CADM3: variants seen among roughly 807,000 people sequenced by gnomAD.
CADM3 encodes the protein TSLC1-like 1.
In CADM3, 11 loss-of-function variants were observed where a neutral mutation model predicts 44.9. That is an observed-to-expected ratio of 0.25 (90% CI 0.15 to 0.41). CADM3 has a LOEUF of 0.41. CADM3 is among the 10% of genes least tolerant of loss of function. The pLI, the probability that CADM3 is intolerant of heterozygous loss-of-function variation, is 1.00. For synonymous variants in CADM3, 207 were observed against 205.2 expected, an observed-to-expected ratio of 1.01 and a Z score of -0.08; for missense variants, 426 against 512.0, an observed-to-expected ratio of 0.83 and a Z score of 1.62.
At position 159,200,861 on chromosome 1, in the gene CADM3, C is replaced by A; in HGVS notation, c.1136C>A (p.Ala379Asp). ...GACGATGCTCCAGACGCGGACACGG[C>A]CATCATCAATGCAGAAGGCGGGCAG... ...GSDDAPDADT[A>D]IINAEGGQSG... Residue 379 changes from alanine (A) to aspartate (D), a missense_variant, in exon 9 of 9, where the codon GCC becomes GAC. Physicochemically the swap from Ala to Asp is moderately radical, Grantham distance 126 (BLOSUM62 -2). Coordinates refer to ENST00000368125, the MANE Select transcript of CADM3 (RefSeq NM_001127173.3). 1 of 1,611,270 alleles carries A rather than the reference C, an allele frequency of 6.2e-7. No individual in the cohort carries two copies. Among genetic ancestry groups the A allele is most frequent in the Non-Finnish European group, 8.5e-7 (1 of 1,178,548 alleles).
At position 159,190,281 on chromosome 1, in the gene CADM3, A is replaced by G. The variant is rs185461948; in HGVS notation, c.89-1655A>G. ...AAACCATTTGAGAGGTTTTAGGAAT[A>G]TATCACTTTCAGCTTTACTCAGCCA... On this transcript the variant is annotated intron_variant, in intron 1 of 8. Coordinates refer to ENST00000368125, the MANE Select transcript of CADM3 (RefSeq NM_001127173.3). Among the ~76,000 whole-genome samples, 19 of 152,314 alleles carry G rather than the reference A, an allele frequency of 1.2e-4. No individual in the cohort carries two copies. In the East Asian group the frequency reaches 3.3e-3, roughly 26 times the overall value.
chr1:159,193,039 A>T (rs1196238690), intron 3 of CADM3, among the ~76,000 whole-genome samples: 1 of 152,188 alleles, frequency 6.6e-6, no homozygotes, highest in African/African-American at 2.4e-5. Flanking sequence ...CAAGACATGC[A>T]TGTGTTATAA....
At chr1:159,179,029 A>G (rs969585842) in intron 1 of CADM3, among the ~76,000 whole-genome samples, 5 of 152,180 alleles carry the variant, frequency 3.3e-5, no homozygotes, top group Non-Finnish European at 5.9e-5. Context: ...AATGAGAGTG[A>G]TTTATCTCTA....
At position 159,202,856 on chromosome 1, in the gene CADM3, A is replaced by G. The variant is rs1462328630; in HGVS notation, c.*1934A>G. ...GGGGCCTACTCCTCTTACAACAGCA[A>G]GAGAGCCCTGGGGCCCCAGGCCTGT... is the stretch of plus-strand genomic sequence containing the variant. On this transcript the variant is annotated 3_prime_UTR_variant, in exon 9 of 9. Coordinates refer to ENST00000368125, the MANE Select transcript of CADM3 (RefSeq NM_001127173.3). 6.6e-6 allele frequency: 1 copy of G among 151,950 alleles called. No individual in the cohort carries two copies. The highest frequency in any genetic ancestry group is 1.5e-5 in the Non-Finnish European group (1 of 68,004). The allele number at this position is 151,950 out of a possible 1,614,324, so 9.4% of individuals were successfully genotyped here. A position where few individuals can be genotyped will look rare whatever the true frequency, so the allele number is the denominator to read the frequency against.
rs1252355861 is a variant in CADM3, at chr1:159,186,051, A to C, written c.89-5885A>C. ...GAAGACTTCTGGAAAGATATGCCACAAAATGTAGGCTTTATTCATAGATAA... is the reference window on the plus strand; with the variant it reads ...GAAGACTTCTGGAAAGATATGCCACCAAATGTAGGCTTTATTCATAGATAA... On this transcript the variant is annotated intron_variant, in intron 1 of 8. Transcript: ENST00000368125. Among the ~76,000 whole-genome samples the C allele has an allele frequency of 5.3e-5, 8 of 152,354 alleles. No individual in the cohort carries two copies. In the East Asian group the frequency reaches 1.3e-3, roughly 26 times the overall value.
chr1:159,181,506 G>T (rs190530477), intron 1 of CADM3, among the ~76,000 whole-genome samples: 24 of 147,934 alleles, frequency 1.6e-4, no homozygotes, highest in African/African-American at 5.8e-4. Context: ...TGCTCTAGAG[G>T]TCCTCACTGA....
Position 159,171,775 on chromosome 1 carries a change from C to T in CADM3, c.10C>T (p.Pro4Ser), listed in dbSNP as rs1370818341. 42 of 1,238,632 alleles carry T rather than the reference C, an allele frequency of 3.4e-5. No homozygotes were observed. The highest frequency in any genetic ancestry group is 4.6e-5 in the African/African-American group (3 of 64,590). 76.7% of individuals were successfully genotyped at this position (1,238,632 alleles called of 1,614,324 possible). A position where few individuals can be genotyped will look rare whatever the true frequency, so the allele number is the denominator to read the frequency against. Residue 4 changes from proline (P) to serine (S), a missense_variant, in exon 1 of 9, where the codon CCA (proline) becomes TCA (serine). Physicochemically the swap from Pro to Ser is moderately conservative, Grantham distance 74 (BLOSUM62 -1). Around this residue, in one of 2 missense-constraint regions of CADM3, gnomAD observed 64 missense variants for 37.4 expected, o/e 1.71. Transcript: ENST00000368125. MGA[P>S]AASLLLLLLL... ...CCGGCCGGGAAGCGCGATGGGGGCC[C>T]CAGCCGCCTCGCTCCTGCTCCTGCT... is the stretch of plus-strand genomic sequence containing the variant.
intron 1 of CADM3, among the ~76,000 whole-genome samples, chr1:159,175,385 C>A (rs1038178044): frequency 1.3e-5 from 2 of 152,202 alleles, no homozygotes; most frequent in African/African-American, 4.8e-5. Flanking sequence ...CAACTGCCTA[C>A]CCAGCAGTTA....
At chr1:159,189,105 A>G (rs975671074) in intron 1 of CADM3, among the ~76,000 whole-genome samples, 2 of 152,194 alleles carry the variant, frequency 1.3e-5, no homozygotes, top group African/African-American at 2.4e-5. Flanking sequence ...AGCCCTAACC[A>G]TGATCTGTTT....
rs560750051 is a variant in CADM3, at chr1:159,196,198, T to C, written c.692-166T>C. 1.9e-5 allele frequency: 11 copies of C among 584,886 alleles called. 1 individual carries two copies. The highest frequency in any genetic ancestry group is 1.2e-4 in the Admixed American group (4 of 33,542). 36.2% of individuals were successfully genotyped at this position (584,886 alleles called of 1,614,324 possible). A position where few individuals can be genotyped will look rare whatever the true frequency, so the allele number is the denominator to read the frequency against. On this transcript the variant is annotated intron_variant, in intron 5 of 8. Coordinates refer to ENST00000368125, the MANE Select transcript of CADM3 (RefSeq NM_001127173.3). The stretch of plus-strand genomic sequence containing the variant: ...CAAGAGAAGTTGCTCACATATTCAA[T>C]AGCAATAATGGTCCTTGTTCATGAG...
chr1:159,189,763 C>T, intron 1 of CADM3: 1 of 1,596,938 alleles, frequency 6.3e-7, no homozygotes, highest in Non-Finnish European at 8.6e-7. Flanking sequence ...TGGAGATTCT[C>T]TCCCCAGGCT....
intron 1 of CADM3, among the ~76,000 whole-genome samples, chr1:159,191,336 G>T (rs1649654318): frequency 6.6e-6 from 1 of 152,046 alleles, no homozygotes; most frequent in African/African-American, 2.4e-5. Context: ...TTGACTGAAG[G>T]GAAGTTATTG....
At chr1:159,200,106 A>T (rs2102140091) in intron 8 of CADM3, among the ~76,000 whole-genome samples, 1 of 152,290 alleles carries the variant, frequency 6.6e-6, no homozygotes, top group South Asian at 2.1e-4. Flanking sequence ...TCCAAGTGAA[A>T]TCAAACCTTC....
chr1:159,171,711 C>T lies in CADM3; in HGVS notation c.-55C>T. ...TAGTCCACCCCCTCCCCATCCCCAG[C>T]CCCCGGGGATTCAGGCTCGCCAGCG... On this transcript the variant is annotated 5_prime_UTR_variant, in exon 1 of 9. Coordinates refer to ENST00000368125, the MANE Select transcript of CADM3 (RefSeq NM_001127173.3). 4 of 1,169,860 alleles carry T rather than the reference C, an allele frequency of 3.4e-6. No homozygotes were observed. The highest frequency in any genetic ancestry group is 2.1e-6 in the Non-Finnish European group (2 of 931,310). The allele number at this position is 1,169,860 out of a possible 1,614,324, so 72.5% of individuals were successfully genotyped here.
At chr1:159,196,206 A>G in intron 5 of CADM3, 158 bp from the exon 6 acceptor site, 1 of 599,162 alleles carries the variant, frequency 1.7e-6, no homozygotes, top group Non-Finnish European at 3.0e-6. Flanking sequence ...AATAGCAATA[A>G]TGGTCCTTGT....
At chr1:159,195,777 C>T (rs1309545862) in intron 5 of CADM3, 2 of 152,330 alleles carry the variant, frequency 1.3e-5, no homozygotes, top group Non-Finnish European at 2.9e-5. Flanking sequence ...CCTAAGCAGC[C>T]CTTCGGCGTC....
At chr1:159,198,171 G>T (rs1486235095) in intron 7 of CADM3, 1 of 152,246 alleles carries the variant, frequency 6.6e-6, no homozygotes, top group African/African-American at 2.4e-5. Flanking sequence ...ACGCCTGGTG[G>T]TAGAAGGAGC....
Position 159,193,483 on chromosome 1 carries a change from C to A in CADM3, c.443C>A (p.Ala148Asp), listed in dbSNP as rs1339015457. The A allele has an allele frequency of 1.2e-6, 2 of 1,613,074 alleles. No individual in the cohort carries two copies. Among genetic ancestry groups the A allele is most frequent in the Non-Finnish European group, 1.7e-6 (2 of 1,179,262 alleles). Reference sequence around the variant, plus strand: ...TCTTCATTACGGGAAAAAGACACAGCCACCCTAAACTGTCAGTCTTCTGGG... The same window carrying A: ...TCTTCATTACGGGAAAAAGACACAGACACCCTAAACTGTCAGTCTTCTGGG... ...YKSSLREKDT[A>D]TLNCQSSGSK... Residue 148 changes from alanine to aspartate, a missense_variant, in exon 4 of 9, where the codon GCC (alanine) becomes GAC (aspartate). By Grantham distance (126) the Ala-to-Asp change is moderately radical. This residue lies in a region of CADM3 where 362 missense variants were observed against 474.6 expected (regional missense o/e 0.76). Transcript: ENST00000368125.
At chr1:159,194,912 A>G (rs1649827850) in intron 5 of CADM3, 1 of 152,254 alleles carries the variant, frequency 6.6e-6, no homozygotes, top group South Asian at 2.1e-4. Flanking sequence ...TGGAGGAACC[A>G]AAGGGAAAAG....
Sources: allele counts gnomAD v4.1 joint callset (sites outside exome capture counted in the v4.1 genomes callset), GRCh38; gene constraint gnomAD v4.1.1; regional missense constraint gnomAD v4.1.1; transcripts MANE v1.5; gene names NCBI Gene and HGNC (gene_info 2026-07-23, HGNC 2026-07-21).